Variants in TATDN1 observed in about 807,000 individuals in gnomAD.
TATDN1 encodes TatD DNase domain containing 1, also known as deoxyribonuclease TATDN1.
A neutral mutation model predicts 46.4 loss-of-function variants in TATDN1; 40 were observed. That is an observed-to-expected ratio of 0.86 (90% CI 0.67 to 1.12). The LOEUF (loss-of-function observed/expected upper bound fraction) is 1.12. TATDN1 is among the 50% of genes most tolerant of loss of function. The pLI is 0.00. For missense variants in TATDN1, 326 were observed against 348.4 expected, an observed-to-expected ratio of 0.94 and a Z score of 0.51; for synonymous variants, 95 against 105.6, an observed-to-expected ratio of 0.90 and a Z score of 0.62.
At chr8:124,515,454 G>A (rs1472888665) in intron 6 of TATDN1, among the ~76,000 whole-genome samples, 1 of 152,140 alleles carries the variant, frequency 6.6e-6, no homozygotes, top group South Asian at 2.1e-4. Context: ...GTATGAATGC[G>A]TCTGTTAAAC....
intron 9 of TATDN1, among the ~76,000 whole-genome samples, chr8:124,500,691 A>AAC (rs1258343599): frequency 1.3e-5 from 2 of 152,026 alleles, no homozygotes; most frequent in East Asian, 3.9e-4. Context: ...CAAAAAAAAA[A>AAC]AACAACAACT....
intron 8 of TATDN1, 112 bp from the exon 9 acceptor site, chr8:124,504,459 C>A (rs995526285): frequency 3.5e-6 from 2 of 565,756 alleles, no homozygotes; most frequent in Non-Finnish European, 5.7e-6. Context: ...GTTTTTGGAC[C>A]TCAGGGTTTC....
At position 124,522,287 on chromosome 8, in the gene TATDN1, A is replaced by G. The variant is rs922128511; in HGVS notation, c.89-87T>C. 1.0e-5 allele frequency: 8 copies of G among 780,554 alleles called. No homozygotes were observed. The African/African-American group carries it at 1.4e-4, about 14-fold the overall frequency. 48.4% of individuals were successfully genotyped at this position (780,554 alleles called of 1,614,324 possible). ...AGCTTCTGTGCAAATGGCTATTTGA[A>G]GTTTTATATTTGAAATTATAAACTT... On this transcript the variant is annotated intron_variant, in intron 2 of 11. Coordinates refer to ENST00000276692, the MANE Select transcript of TATDN1 (RefSeq NM_032026.4).
At chr8:124,516,999 A>G (rs1409268536) in intron 4 of TATDN1, among the ~76,000 whole-genome samples, 1 of 152,232 alleles carries the variant, frequency 6.6e-6, no homozygotes. Flanking sequence ...TTACATGGAG[A>G]GGAGTGGAAG....
At chr8:124,525,019 A>C (rs368895724) in intron 1 of TATDN1, among the ~76,000 whole-genome samples, 4 of 152,168 alleles carry the variant, frequency 2.6e-5, no homozygotes, top group African/African-American at 4.8e-5. Context: ...GAAATGCAGG[A>C]AGACTCCTTC....
At chr8:124,524,653 T>C (rs1443878617) in intron 1 of TATDN1, among the ~76,000 whole-genome samples, 1 of 152,194 alleles carries the variant, frequency 6.6e-6, no homozygotes, top group Admixed American at 6.5e-5. Context: ...TCAAAGACTC[T>C]GAGGAAGCCT....
At chr8:124,514,382 A>C (rs950587147) in intron 6 of TATDN1, among the ~76,000 whole-genome samples, 13 of 152,224 alleles carry the variant, frequency 8.5e-5, no homozygotes, top group African/African-American at 3.1e-4. Flanking sequence ...CAAAATTATT[A>C]ATTGTTAAAC....
At chr8:124,494,262 AAC>A (rs1309333395) in intron 10 of TATDN1, 12 of 186,816 alleles carry the variant, frequency 6.4e-5, no homozygotes, top group Middle Eastern at 2.1e-3. Flanking sequence ...ATTTAAGTTA[AAC>A]AGTTTTTTTT....
At chr8:124,535,244 T>G (rs1774247170) in intron 1 of TATDN1, among the ~76,000 whole-genome samples, 1 of 152,190 alleles carries the variant, frequency 6.6e-6, no homozygotes, top group Non-Finnish European at 1.5e-5. Context: ...TTTCAGGAGT[T>G]GTGCACAAAG....
chr8:124,515,597 A>G lies in TATDN1; in HGVS notation c.389+149T>C, dbSNP rs1025482135. The G allele has an allele frequency of 1.3e-5, 9 of 677,076 alleles. 1 individual carries two copies. Among genetic ancestry groups the G allele is most frequent in the African/African-American group, 1.3e-4 (7 of 54,942 alleles). The allele number at this position is 677,076 out of a possible 1,614,324, so 41.9% of individuals were successfully genotyped here. A position where few individuals can be genotyped will look rare whatever the true frequency, so the allele number is the denominator to read the frequency against. On this transcript the variant is annotated intron_variant, in intron 6 of 11. Transcript: ENST00000276692. ...CCTTATGAATTACATGCAAGTATGC[A>G]TGGAATTTGTTTCACTTACTTTTGA... is the stretch of plus-strand genomic sequence containing the variant.
chr8:124,520,252 C>G (rs1219901671), intron 3 of TATDN1, among the ~76,000 whole-genome samples: 1 of 152,002 alleles, frequency 6.6e-6, no homozygotes, highest in Non-Finnish European at 1.5e-5. Context: ...TCCTGGCCAA[C>G]ATGGCGAAAC....
chr8:124,520,610 C>G (rs1819948350), intron 3 of TATDN1, among the ~76,000 whole-genome samples: 1 of 151,766 alleles, frequency 6.6e-6, no homozygotes, highest in Admixed American at 6.6e-5. Flanking sequence ...AAAAAAACGG[C>G]AAGACAAGAG....
chr8:124,499,156 A>T (rs1298709131), intron 9 of TATDN1, among the ~76,000 whole-genome samples: 3 of 152,028 alleles, frequency 2.0e-5, no homozygotes, highest in African/African-American at 7.2e-5. Flanking sequence ...CAGTATCTAT[A>T]ATTTTATTTT....
chr8:124,536,153 T>C (rs987284892), intron 1 of TATDN1, among the ~76,000 whole-genome samples: 5 of 152,240 alleles, frequency 3.3e-5, no homozygotes, highest in African/African-American at 1.2e-4. Context: ...TTCTGGCATA[T>C]AATAGTTACA....
chr8:124,490,436 G>C (rs533611215), intron 11 of TATDN1, among the ~76,000 whole-genome samples: 1 of 152,138 alleles, frequency 6.6e-6, no homozygotes, highest in Non-Finnish European at 1.5e-5. Flanking sequence ...CTTGAACCTG[G>C]GAGGTGGAGG....
At chr8:124,525,851 T>C (rs1486951850) in intron 1 of TATDN1, among the ~76,000 whole-genome samples, 1 of 152,126 alleles carries the variant, frequency 6.6e-6, no homozygotes, top group African/African-American at 2.4e-5. Context: ...CCACTCAAAA[T>C]CCTATTTATT....
chr8:124,516,184 G>C (rs985910299), intron 4 of TATDN1, among the ~76,000 whole-genome samples, 154 bp from the exon 5 acceptor site: 11 of 152,110 alleles, frequency 7.2e-5, no homozygotes, highest in African/African-American at 2.7e-4. Context: ...TTAATCATAT[G>C]ACAATTTTTA....
At chr8:124,517,871 TCG>T (rs1244233789) in intron 4 of TATDN1, among the ~76,000 whole-genome samples, 1 of 152,054 alleles carries the variant, frequency 6.6e-6, no homozygotes, top group Non-Finnish European at 1.5e-5. Flanking sequence ...AAAAAGCAAC[TCG>T]TATCTTAAAC....
chr8:124,518,065 A>G (rs1006836572), intron 4 of TATDN1, among the ~76,000 whole-genome samples: 1 of 151,610 alleles, frequency 6.6e-6, no homozygotes, highest in Non-Finnish European at 1.5e-5. Context: ...ACAAAAAATT[A>G]GCTGGGCATG....
Sources: gnomAD v4.1 joint callset for allele counts (sites outside exome capture counted in the v4.1 genomes callset) on GRCh38, gnomAD v4.1.1 for gene constraint, MANE v1.5 for transcripts, NCBI Gene and HGNC (gene_info 2026-07-23, HGNC 2026-07-21) for gene names.